The following ADAMTS2 variants were observed in gnomAD, a reference collection of about 807,000 sequenced individuals.
The protein encoded by ADAMTS2 is ADAM metallopeptidase with thrombospondin type 1 motif 2, also known as A disintegrin and metalloproteinase with thrombospondin motifs 2.
ADAMTS2 carries 50 observed loss-of-function variants against 123.0 expected under a neutral mutation model. The ratio of observed to expected loss-of-function variants is 0.41; its 90% CI spans 0.32 to 0.51. ADAMTS2 has a LOEUF of 0.51. ADAMTS2 is among the 20% of genes least tolerant of loss of function. The pLI is 0.35. For missense variants in ADAMTS2, 1,494 were observed against 1,705.2 expected, an observed-to-expected ratio of 0.88 and a Z score of 2.18; for synonymous variants, 678 against 695.4, an observed-to-expected ratio of 0.98 and a Z score of 0.39.
chr5:179,343,617 C>G, intron 2 of ADAMTS2, 150 bp downstream of exon 2: 1 of 1,133,114 alleles, frequency 8.8e-7, no homozygotes, highest in Non-Finnish European at 1.2e-6. Context: ...CCAAGCCCTT[C>G]AGTTGGAGCA....
intron 2 of ADAMTS2, among the ~76,000 whole-genome samples, chr5:179,323,351 C>T (rs955495352): frequency 6.6e-6 from 1 of 152,244 alleles, no homozygotes; most frequent in African/African-American, 2.4e-5. Flanking sequence ...GTAGGACTCC[C>T]AAGCTAAGGA....
chr5:179,273,900 G>A (rs940972241), intron 2 of ADAMTS2, among the ~76,000 whole-genome samples: 50 of 151,824 alleles, frequency 3.3e-4, no homozygotes, highest in African/African-American at 1.1e-3. Flanking sequence ...CCCAGACCGC[G>A]GCTTGCACCA....
intron 2 of ADAMTS2, among the ~76,000 whole-genome samples, chr5:179,329,303 G>A (rs550733841): frequency 5.7e-4 from 86 of 150,414 alleles, no homozygotes; most frequent in South Asian, 1.1e-3. Flanking sequence ...CTCCAGCCTG[G>A]GCAACAGAGT....
At chr5:179,265,786 G>A (rs903109958) in intron 3 of ADAMTS2, among the ~76,000 whole-genome samples, 5 of 152,246 alleles carry the variant, frequency 3.3e-5, no homozygotes, top group Admixed American at 1.3e-4. Flanking sequence ...CAGGAGCGCC[G>A]CGGCGTCTGC....
At chr5:179,211,579 C>T (rs1030151766) in intron 3 of ADAMTS2, among the ~76,000 whole-genome samples, 1 of 152,204 alleles carries the variant, frequency 6.6e-6, no homozygotes. Context: ...GTGGGAAGCA[C>T]TCCAGAGCCA....
At position 179,132,214 on chromosome 5, in the gene ADAMTS2, C is replaced by T. The variant is rs377081338; in HGVS notation, c.2290+16G>A. On this transcript the variant is annotated intron_variant, in intron 15 of 21. Transcript: ENST00000251582. This position sits in a 1 kb window ranked among gnomAD's most constrained non-coding sequence, Gnocchi z 6.1. Reference sequence around the variant, plus strand: ...CAGGTCCTGAGGACGTCAAGTTGTCCGGCTCTGAGACTCACCCAGATGGTG... The same window carrying T: ...CAGGTCCTGAGGACGTCAAGTTGTCTGGCTCTGAGACTCACCCAGATGGTG... 1.0e-4 allele frequency: 161 copies of T among 1,612,894 alleles called. No homozygotes were observed. The highest frequency in any genetic ancestry group is 7.0e-4 in the Middle Eastern group (4 of 5,676).
At chr5:179,279,811 T>C (rs1402738598) in intron 2 of ADAMTS2, among the ~76,000 whole-genome samples, 1 of 152,246 alleles carries the variant, frequency 6.6e-6, no homozygotes, top group East Asian at 1.9e-4. Flanking sequence ...CACTGGGGGC[T>C]CCTTTACAGT....
At position 179,307,213 on chromosome 5, in the gene ADAMTS2, C is replaced by A. The variant is rs1756701814; in HGVS notation, c.535-34149G>T. Among the ~76,000 whole-genome samples the A allele has an allele frequency of 6.6e-6, 1 of 152,228 alleles. No individual in the cohort carries two copies. Among genetic ancestry groups the A allele is most frequent in the Non-Finnish European group, 1.5e-5 (1 of 68,036 alleles). ...CCCCGGCCCACGCGCCCCTGCCCTG[C>A]TGTGCTCCGCCATCTGCCCCAGCAG... is the stretch of plus-strand genomic sequence containing the variant. On this transcript the variant is annotated intron_variant, in intron 2 of 21. Transcript: ENST00000251582. The surrounding 1 kb of genome is among the most constrained non-coding windows in gnomAD (Gnocchi z 5.6).
intron 8 of ADAMTS2, 54 bp from the exon 9 acceptor site, chr5:179,153,677 A>G: frequency 6.4e-7 from 1 of 1,561,518 alleles, no homozygotes; most frequent in South Asian, 1.2e-5. Context: ...GACCATCCAC[A>G]GCCCTGGAGG....
In ADAMTS2 at chr5:179,256,459, C is replaced by A. The variant is rs917210619; in HGVS notation, c.688+16452G>T. Among the ~76,000 whole-genome samples, 3 of 152,292 alleles carry A rather than the reference C, an allele frequency of 2.0e-5. No homozygotes were observed. The East Asian group carries it at 5.8e-4, about 29-fold the overall frequency. ...CTGGGTGCGGCTCGGTTCACTCCAG[C>A]ATTTCCTACATGGATGAAGATGTGG... On this transcript the variant is annotated intron_variant, in intron 3 of 21. Coordinates refer to ENST00000251582, the MANE Select transcript of ADAMTS2 (RefSeq NM_014244.5). This position sits in a 1 kb window ranked among gnomAD's most constrained non-coding sequence, Gnocchi z 4.1.
rs370663572 is a variant in ADAMTS2 at position 179,251,522 on chromosome 5, C to T, written c.688+21389G>A. On this transcript the variant is annotated intron_variant, in intron 3 of 21. Transcript: ENST00000251582. ...GAGACAGGTCCCTGCTAACTAGACA[C>T]AAGAATTGGCCTTCTGGGGTGTCTC... Among the ~76,000 whole-genome samples the T allele has an allele frequency of 1.1e-3, 171 of 152,210 alleles. 2 individuals carry two copies. The South Asian group carries it at 0.032, about 28-fold the overall frequency.
rs768036305 is a variant in ADAMTS2 at position 179,344,028 on chromosome 5, C to T, written c.273G>A (p.Pro91=). 3.7e-6 allele frequency: 6 copies of T among 1,612,518 alleles called. No individual in the cohort carries two copies. Among genetic ancestry groups the T allele is most frequent in the Non-Finnish European group, 5.1e-6 (6 of 1,179,824 alleles). ...CTCCGGGGAAGCTCGGGGTCCGGAC[C>T]GGGGCGGCCCTGCGGGCTCGTACCC... The part of the protein sequence containing the change: ...RAGVRARRAA[P]VRTPSFPGGN... Residue 91 remains proline (P), a synonymous_variant, in exon 2 of 22, where the codon CCG becomes CCA. Coordinates refer to ENST00000251582, the MANE Select transcript of ADAMTS2 (RefSeq NM_014244.5).
rs148375976 is a variant in ADAMTS2 at position 179,265,806 on chromosome 5, G to A, written c.688+7105C>T. Among the ~76,000 whole-genome samples, 1,015 of 152,360 alleles carry A rather than the reference G, an allele frequency of 6.7e-3. 7 individuals carry two copies. Among genetic ancestry groups the A allele is most frequent in the African/African-American group, 0.023 (967 of 41,596 alleles). The stretch of plus-strand genomic sequence containing the variant: ...GCGCCGCGGCGTCTGCCAAGGGTGC[G>A]CTCAGCCCTGAAGCACGCCTCCCGG... On this transcript the variant is annotated intron_variant, in intron 3 of 21. Coordinates refer to ENST00000251582, the MANE Select transcript of ADAMTS2 (RefSeq NM_014244.5).
At chr5:179,321,056 A>G (rs1171829110) in intron 2 of ADAMTS2, among the ~76,000 whole-genome samples, 5 of 152,212 alleles carry the variant, frequency 3.3e-5, no homozygotes, top group Admixed American at 2.0e-4. Flanking sequence ...TTCTTTTTGC[A>G]GATTAACCAA....
In ADAMTS2 at chr5:179,162,735, C is replaced by T. The variant is rs911315313; in HGVS notation, c.976-3856G>A. 7.2e-5 allele frequency among the ~76,000 whole-genome samples: 11 copies of T among 152,244 alleles called. No homozygotes were observed. Among genetic ancestry groups the T allele is most frequent in the Non-Finnish European group, 1.5e-4 (10 of 68,040 alleles). ...GGACATTAAGAGACTGGGTCACTGGCGGCCATCACGAAGGCTGCCTGCCAC... is the reference window on the plus strand; with the variant it reads ...GGACATTAAGAGACTGGGTCACTGGTGGCCATCACGAAGGCTGCCTGCCAC... On this transcript the variant is annotated intron_variant, in intron 5 of 21. Coordinates refer to ENST00000251582, the MANE Select transcript of ADAMTS2 (RefSeq NM_014244.5). The surrounding 1 kb of genome is among the most constrained non-coding windows in gnomAD (Gnocchi z 5.1).
chr5:179,282,269 C>T (rs1157578414), intron 2 of ADAMTS2, among the ~76,000 whole-genome samples: 2 of 152,218 alleles, frequency 1.3e-5, no homozygotes, highest in Non-Finnish European at 2.9e-5. Context: ...ATAGTTTTAG[C>T]TCTTACATGT....
intron 10 of ADAMTS2, among the ~76,000 whole-genome samples, chr5:179,142,940 T>C (rs58887996): frequency 6.6e-6 from 1 of 152,044 alleles, no homozygotes; most frequent in Non-Finnish European, 1.5e-5. Context: ...GTGTGACCCA[T>C]ACGCAGGAAA....
At chr5:179,186,005 T>C (rs1348058059) in intron 4 of ADAMTS2, among the ~76,000 whole-genome samples, 1 of 151,952 alleles carries the variant, frequency 6.6e-6, no homozygotes, top group South Asian at 2.1e-4. Context: ...CCTGATCCTC[T>C]CCCCAGGAAA....
chr5:179,186,152 C>T (rs252074), intron 4 of ADAMTS2, among the ~76,000 whole-genome samples: 51,454 of 151,942 alleles, frequency 0.34, 9,607 homozygotes, highest in Non-Finnish European at 0.43. Context: ...GCTGCTGGGC[C>T]TGGGATCCTG....
Sources: allele counts gnomAD v4.1 joint callset (sites outside exome capture counted in the v4.1 genomes callset), GRCh38; gene constraint gnomAD v4.1.1; non-coding constraint Gnocchi (gnomAD v3.1); transcripts MANE v1.5; gene names NCBI Gene and HGNC (gene_info 2026-07-23, HGNC 2026-07-21).